Variants in PPP1R42 observed in about 807,000 individuals in gnomAD.
The protein encoded by PPP1R42 is leucine rich repeat containing 67.
In PPP1R42, 34 loss-of-function variants were observed where a neutral mutation model predicts 31.0. That is an observed-to-expected ratio of 1.10 (90% confidence interval 0.83 to 1.46). The LOEUF (loss-of-function observed/expected upper bound fraction) is 1.46. Among genes scored for constraint, PPP1R42 ranks in the 40% most tolerant of loss-of-function variants. The probability of loss-of-function intolerance (pLI) is 0.00; values close to 1 mark genes in which losing one functional copy is unlikely to be tolerated. For synonymous variants in PPP1R42, 103 were observed against 109.8 expected (o/e 0.94, Z 0.39); for missense variants, 268 against 303.0 (o/e 0.88, Z 0.86).
intron 4 of PPP1R42, among the ~76,000 whole-genome samples, chr8:67,012,521 C>A (rs2129536911): frequency 6.6e-6 from 1 of 152,294 alleles, no homozygotes; most frequent in South Asian, 2.1e-4. Context: ...ACAATCAAAT[C>A]AGGATCCTAG....
At chr8:67,025,360 C>T (rs1174817695) in intron 1 of PPP1R42, among the ~76,000 whole-genome samples, 1 of 152,066 alleles carries the variant, frequency 6.6e-6, no homozygotes, top group African/African-American at 2.4e-5. Context: ...GATCCTCCTG[C>T]TTTGGCTTTT....
chr8:67,009,971 C>T (rs1323521776), intron 5 of PPP1R42, among the ~76,000 whole-genome samples: 1 of 152,184 alleles, frequency 6.6e-6, no homozygotes, highest in African/African-American at 2.4e-5. Context: ...ACAGCTCATT[C>T]CGTTGCCAAA....
At chr8:66,996,391 C>A (rs1457906690) in intron 5 of PPP1R42, among the ~76,000 whole-genome samples, 2 of 152,200 alleles carry the variant, frequency 1.3e-5, no homozygotes, top group African/African-American at 4.8e-5. Flanking sequence ...ATTAAGTATT[C>A]TTCACAGCTA....
intron 5 of PPP1R42, among the ~76,000 whole-genome samples, chr8:67,005,103 C>CTTT (rs766691539): frequency 3.3e-5 from 4 of 120,824 alleles, no homozygotes; most frequent in South Asian, 2.8e-4. Flanking sequence ...AATCCACCCA[C>CTTT]TTTTTTTTTT....
At chr8:66,975,828 A>G (rs1457266923) in intron 7 of PPP1R42, among the ~76,000 whole-genome samples, 1 of 152,208 alleles carries the variant, frequency 6.6e-6, no homozygotes, top group East Asian at 1.9e-4. Flanking sequence ...CAGGGAAATT[A>G]GCATATACAT....
At chr8:67,010,928 G>T in intron 4 of PPP1R42, 97 bp from the exon 5 acceptor site, 1 of 1,154,608 alleles carries the variant, frequency 8.7e-7, no homozygotes, top group Non-Finnish European at 1.2e-6. Flanking sequence ...AGCTTGATCA[G>T]TTCAGGTTGT....
intron 1 of PPP1R42, among the ~76,000 whole-genome samples, chr8:67,018,410 G>A (rs1056926134): frequency 4.6e-5 from 7 of 151,718 alleles, no homozygotes; most frequent in African/African-American, 1.7e-4. Flanking sequence ...GAGCCACCGC[G>A]CCCGACCTCT....
chr8:66,968,390 T>C, intron 7 of PPP1R42: 2 of 766,414 alleles, frequency 2.6e-6, no homozygotes, highest in East Asian at 1.3e-4. Context: ...CCTAAAGGAG[T>C]GTGGGGCACA....
chr8:66,999,580 G>A (rs1278226249), intron 5 of PPP1R42, among the ~76,000 whole-genome samples: 1 of 152,100 alleles, frequency 6.6e-6, no homozygotes, highest in African/African-American at 2.4e-5. Flanking sequence ...GAACTCCTGA[G>A]CGCAAGAGAT....
rs1334794897 is a variant in PPP1R42 at position 66,982,170 on chromosome 8, A to G, written c.681T>C (p.Asp227=). 7.0e-7 allele frequency: 1 copy of G among 1,421,910 alleles called. No homozygotes were observed. Among genetic ancestry groups the G allele is most frequent in the South Asian group, 1.5e-5 (1 of 66,952 alleles). The allele number at this position is 1,421,910 out of a possible 1,614,324, so 88.1% of individuals were successfully genotyped here. A position where few individuals can be genotyped will look rare whatever the true frequency, so the allele number is the denominator to read the frequency against. ...TTTCTATATTTTTAATTTCTTTTCC[A>G]TCAAGAAATTCTGGAGAAAAATACA... is the stretch of plus-strand genomic sequence containing the variant. ...ILVSKSLEFL[D]GKEIKNIERQ... The change falls in exon 7 of 8, where the codon GAT becomes GAC. Residue 227 remains aspartate (D), a synonymous_variant. Transcript: ENST00000685739.
intron 6 of PPP1R42, chr8:66,984,007 C>G: frequency 2.1e-6 from 2 of 964,448 alleles, no homozygotes; most frequent in South Asian, 2.8e-5. Flanking sequence ...GATATTCTCC[C>G]TTTGTCCCAA....
At chr8:67,014,770 C>A (rs1815951825) in intron 2 of PPP1R42, among the ~76,000 whole-genome samples, 178 bp from the exon 3 acceptor site, 1 of 152,052 alleles carries the variant, frequency 6.6e-6, no homozygotes, top group South Asian at 2.1e-4. Context: ...AAAAGAAATT[C>A]TGTAATATAT....
intron 7 of PPP1R42, chr8:66,970,996 AT>A: frequency 1.3e-6 from 2 of 1,523,230 alleles, no homozygotes; most frequent in Non-Finnish European, 8.8e-7. Context: ...CTCTTAAATA[AT>A]TTTAGTGTAA....
intron 5 of PPP1R42, among the ~76,000 whole-genome samples, chr8:67,008,707 C>CAAAA (rs764674038): frequency 2.8e-5 from 2 of 72,274 alleles, no homozygotes; most frequent in African/African-American, 8.7e-5. Context: ...GACTCTGTCT[C>CAAAA]AAAAAAAAAA....
chr8:66,964,420 C>T, intron 7 of PPP1R42, 86 bp from the exon 8 acceptor site: 1 of 574,684 alleles, frequency 1.7e-6, no homozygotes, highest in Non-Finnish European at 2.6e-6. Flanking sequence ...GAATCTAGGA[C>T]ACAATAACAA....
intron 6 of PPP1R42, chr8:66,984,569 G>A (rs1158240850): frequency 1.3e-5 from 16 of 1,211,662 alleles, no homozygotes; most frequent in Non-Finnish European, 2.0e-5. Context: ...CTTCTTGGCT[G>A]GGGTGCTCAA....
chr8:66,987,595 A>G (rs1019315632), intron 6 of PPP1R42, among the ~76,000 whole-genome samples: 1 of 152,100 alleles, frequency 6.6e-6, no homozygotes, highest in East Asian at 1.9e-4. Flanking sequence ...CCCGGCCTCA[A>G]ATGTTCTTAT....
intron 1 of PPP1R42, among the ~76,000 whole-genome samples, chr8:67,024,870 C>A (rs1201746969): frequency 6.6e-6 from 1 of 151,960 alleles, no homozygotes; most frequent in Non-Finnish European, 1.5e-5. Flanking sequence ...CAGCGATAAA[C>A]CAAACTTAGT....
At chr8:66,989,387 GT>G (rs1344727953) in intron 5 of PPP1R42, among the ~76,000 whole-genome samples, 1 of 152,080 alleles carries the variant, frequency 6.6e-6, no homozygotes, top group African/African-American at 2.4e-5. Context: ...TCAGTACTTT[GT>G]CTGTTATGTC....
Sources: allele counts gnomAD v4.1 joint callset (sites outside exome capture counted in the v4.1 genomes callset), GRCh38; gene constraint gnomAD v4.1.1; transcripts MANE v1.5; gene names NCBI Gene and HGNC (gene_info 2026-07-23, HGNC 2026-07-21).